Variants in COL18A1 observed in about 807,000 individuals in gnomAD.
COL18A1 encodes collagen type XVIII alpha 1 chain.
A neutral mutation model predicts 168.0 loss-of-function variants in COL18A1; 133 were observed. The observed-to-expected ratio is 0.79, with a 90% CI of 0.69 to 0.91. The LOEUF is 0.91. Among genes scored for constraint, COL18A1 ranks in the 40% least tolerant of loss-of-function variants. The probability of loss-of-function intolerance (pLI) is 0.00; values close to 1 mark genes in which losing one functional copy is unlikely to be tolerated. For missense variants in COL18A1, 2,126 were observed against 1,925.4 expected, an observed-to-expected ratio of 1.10 and a Z score of -1.95; for synonymous variants, 949 against 809.0, an observed-to-expected ratio of 1.17 and a Z score of -2.94.
intron 32 of COL18A1, among the ~76,000 whole-genome samples, chr21:45,499,799 A>G (rs1408681791): frequency 6.6e-6 from 1 of 152,252 alleles, no homozygotes; most frequent in Non-Finnish European, 1.5e-5. Flanking sequence ...GCACACACAC[A>G]GGACGTTTAA....
chr21:45,405,590 G>A, intron 2 of COL18A1, 117 bp downstream of exon 2: 2 of 564,074 alleles, frequency 3.5e-6, no homozygotes. Flanking sequence ...TTCAGCCCCG[G>A]CCCTGCCCAC....
intron 9 of COL18A1, among the ~76,000 whole-genome samples, chr21:45,479,393 C>T (rs928370527): frequency 2.0e-5 from 3 of 151,632 alleles, no homozygotes; most frequent in Non-Finnish European, 2.9e-5. Flanking sequence ...CGCATGCACA[C>T]ATGCTACACG....
At chr21:45,467,535 G>A in intron 2 of COL18A1, 2 of 739,088 alleles carry the variant, frequency 2.7e-6, no homozygotes, top group Non-Finnish European at 3.3e-6. Flanking sequence ...TGGCCCAGCA[G>A]GTGAGCCGGT....
At chr21:45,461,489 AG>A (rs2035045853) in intron 2 of COL18A1, among the ~76,000 whole-genome samples, 2 of 152,124 alleles carry the variant, frequency 1.3e-5, no homozygotes, top group African/African-American at 4.8e-5. Context: ...CTGCACCATT[AG>A]GGTGGACACC....
Position 45,454,039 on chromosome 21 carries a change from A to G in COL18A1, c.107-14203A>G, listed in dbSNP as rs193091782. Among the ~76,000 whole-genome samples the G allele has an allele frequency of 1.6e-3, 246 of 152,338 alleles. 1 individual carries two copies. The highest frequency in any genetic ancestry group is 5.7e-3 in the African/African-American group (238 of 41,586). ...GGAGACTTTCCGGAGGCGTGTTCAG[A>G]CATAAAATCACAGCAGCAGCAGTCA... is the stretch of plus-strand genomic sequence containing the variant. On this transcript the variant is annotated intron_variant, in intron 2 of 41. Transcript: ENST00000651438.
At position 45,437,415 on chromosome 21, in the gene COL18A1, GAC is replaced by G. The variant is rs1343426171; in HGVS notation, c.107-30821_107-30820del. Among the ~76,000 whole-genome samples, 28 of 38,390 alleles carry G rather than the reference GAC, an allele frequency of 7.3e-4. No individual in the cohort carries two copies. The East Asian group carries it at 8.3e-3, about 11-fold the overall frequency. 25.2% of individuals were successfully genotyped at this position (38,390 alleles called of 152,430 possible). On this transcript the variant is annotated intron_variant, in intron 2 of 41. Transcript: ENST00000651438. Reference sequence around the variant, plus strand: ...TCCTGCACACACACACTCACACTCAGACACACAGGCACTCTCCTGCACACACA... The same window carrying G: ...TCCTGCACACACACACTCACACTCAGACACAGGCACTCTCCTGCACACACA...
At chr21:45,503,065 T>C (rs1301365876) in intron 32 of COL18A1, 3 of 152,214 alleles carry the variant, frequency 2.0e-5, no homozygotes, top group South Asian at 2.1e-4. Flanking sequence ...GCATGATTTA[T>C]AGTCCTTTGT....
intron 2 of COL18A1, among the ~76,000 whole-genome samples, chr21:45,444,402 C>G (rs78438877): frequency 6.6e-6 from 1 of 151,890 alleles, no homozygotes; most frequent in Non-Finnish European, 1.5e-5. Context: ...ACGTTGTGCT[C>G]GTGTGGGTGA....
intron 15 of COL18A1, among the ~76,000 whole-genome samples, chr21:45,483,469 C>T (rs142062293): frequency 1.3e-5 from 2 of 152,060 alleles, no homozygotes; most frequent in African/African-American, 2.4e-5. Context: ...TGACACCCCC[C>T]CAACGACCCA....
chr21:45,481,488 C>T (rs562846180), intron 13 of COL18A1, among the ~76,000 whole-genome samples: 102 of 152,292 alleles, frequency 6.7e-4, no homozygotes, highest in Middle Eastern at 6.8e-3. Flanking sequence ...GGGGTTAGGT[C>T]ACCCATGACA....
intron 19 of COL18A1, 142 bp downstream of exon 19, chr21:45,489,663 G>A (rs1196207460): frequency 1.6e-5 from 10 of 642,794 alleles, no homozygotes; most frequent in South Asian, 1.0e-4. Flanking sequence ...AGACGTGCTG[G>A]TTTCAAAGGC....
In COL18A1 at chr21:45,496,272, C is replaced by A. The variant is rs981199655; in HGVS notation, c.2509-228C>A. On this transcript the variant is annotated intron_variant, in intron 29 of 41. Transcript: ENST00000651438. ...AGACCCGGTGGCCTCTTCACTCCTCCCGAGGGACGTCTGTGCACGACTCCA... is the reference window on the plus strand; with the variant it reads ...AGACCCGGTGGCCTCTTCACTCCTCACGAGGGACGTCTGTGCACGACTCCA... 1.1e-5 allele frequency: 8 copies of A among 706,366 alleles called. No homozygotes were observed. The East Asian group carries it at 2.2e-4, about 19-fold the overall frequency. 43.8% of individuals were successfully genotyped at this position (706,366 alleles called of 1,614,324 possible).
rs1555876761 is a variant in COL18A1, at chr21:45,511,096, C to CA, written c.3694-15_3694-14insA. ...CCCACACACCACACACACATACACACGGTTTCTCTTCCAGGACGAGCTGCT... is the reference window on the plus strand; with the variant it reads ...CCCACACACCACACACACATACACACAGGTTTCTCTTCCAGGACGAGCTGCT... On this transcript the variant is annotated splice_polypyrimidine_tract_variant and intron_variant, in intron 40 of 41. Coordinates refer to ENST00000651438, the MANE Select transcript of COL18A1 (RefSeq NM_001379500.1). 1.5e-5 allele frequency: 22 copies of CA among 1,451,492 alleles called. No homozygotes were observed. The highest frequency in any genetic ancestry group is 2.0e-5 in the Admixed American group (1 of 51,090). The allele number at this position is 1,451,492 out of a possible 1,614,324, so 89.9% of individuals were successfully genotyped here.
At chr21:45,458,823 G>T (rs907331210) in intron 2 of COL18A1, among the ~76,000 whole-genome samples, 1 of 152,240 alleles carries the variant, frequency 6.6e-6, no homozygotes, top group African/African-American at 2.4e-5. Context: ...GCCAGCCCGA[G>T]ACTGTCTGGG....
At chr21:45,497,858 G>A in intron 32 of COL18A1, 197 bp downstream of exon 32, 1 of 697,736 alleles carries the variant, frequency 1.4e-6, no homozygotes, top group Non-Finnish European at 2.4e-6. Context: ...GAGGGTGGCT[G>A]CAGGGCACAA....
At position 45,480,173 on chromosome 21, in the gene COL18A1, G is replaced by C; in HGVS notation, c.1398+17G>C. On this transcript the variant is annotated intron_variant, in intron 11 of 41. Coordinates refer to ENST00000651438, the MANE Select transcript of COL18A1 (RefSeq NM_001379500.1). Reference sequence around the variant, plus strand: ...GACAAGCTGGTAAGTCCCGCCCTTGGCTTCCTGCGACCCGGGGTCTGCCCT... The same window carrying C: ...GACAAGCTGGTAAGTCCCGCCCTTGCCTTCCTGCGACCCGGGGTCTGCCCT... 6.9e-7 allele frequency: 1 copy of C among 1,450,490 alleles called. No homozygotes were observed. The highest frequency in any genetic ancestry group is 9.6e-7 in the Non-Finnish European group (1 of 1,039,144). The allele number at this position is 1,450,490 out of a possible 1,614,324, so 89.9% of individuals were successfully genotyped here.
chr21:45,461,101 A>G (rs2035028080), intron 2 of COL18A1, among the ~76,000 whole-genome samples: 1 of 152,214 alleles, frequency 6.6e-6, no homozygotes. Context: ...TTGAAGTGCC[A>G]TATGCGATAC....
Position 45,493,973 on chromosome 21 carries a change from G to A in COL18A1, c.2352+398G>A, listed in dbSNP as rs146611929. On this transcript the variant is annotated intron_variant, in intron 26 of 41. Transcript: ENST00000651438. ...GGCCCTGATGCTGTGGGCAGGGCCC[G>A]GAGTCAGTTCCTCAAGGGGCCTGTG... is the stretch of plus-strand genomic sequence containing the variant. 2.0e-3 allele frequency: 570 copies of A among 288,988 alleles called. 3 individuals are homozygous for A. The highest frequency in any genetic ancestry group is 0.012 in the African/African-American group (546 of 46,230). The allele number at this position is 288,988 out of a possible 1,614,324, so 17.9% of individuals were successfully genotyped here. A position where few individuals can be genotyped will look rare whatever the true frequency, so the allele number is the denominator to read the frequency against.
intron 33 of COL18A1, 124 bp downstream of exon 33, chr21:45,504,178 T>G: frequency 8.4e-7 from 1 of 1,188,146 alleles, no homozygotes; most frequent in African/African-American, 1.5e-5. Context: ...CGAGGGGCGC[T>G]GGCTCCAGAG....
Sources: gnomAD v4.1 joint callset for allele counts (sites outside exome capture counted in the v4.1 genomes callset) on GRCh38, gnomAD v4.1.1 for gene constraint, MANE v1.5 for transcripts, NCBI Gene and HGNC (gene_info 2026-07-23, HGNC 2026-07-21) for gene names.